The following MYH10 variants were observed in gnomAD, a reference collection of about 807,000 sequenced individuals.
The protein encoded by MYH10 is myosin heavy chain 10, also known as myosin-10.
A neutral mutation model predicts 257.8 loss-of-function variants in MYH10; 55 were observed. The observed-to-expected ratio is 0.21, with a 90% confidence interval of 0.17 to 0.27. MYH10 has a LOEUF of 0.27. MYH10 is among the 10% of genes least tolerant of loss of function. The pLI is 1.00. For synonymous variants in MYH10, 854 were observed against 921.7 expected, an observed-to-expected ratio of 0.93 and a Z score of 1.33; for missense variants, 1,631 against 2,500.6, an observed-to-expected ratio of 0.65 and a Z score of 7.42.
intron 4 of MYH10, among the ~76,000 whole-genome samples, chr17:8,578,235 C>G (rs925653406): frequency 1.4e-3 from 92 of 66,642 alleles, no homozygotes; most frequent in African/African-American, 4.4e-3. Flanking sequence ...TTGTTTCTTT[C>G]TTTCTTTCTT....
intron 2 of MYH10, among the ~76,000 whole-genome samples, chr17:8,608,173 G>A (rs2084884793): frequency 6.6e-6 from 1 of 152,168 alleles, no homozygotes; most frequent in Non-Finnish European, 1.5e-5. Context: ...TGGGTGATGA[G>A]GTATTGAAGG....
chr17:8,515,456 C>A (rs2081433323), intron 21 of MYH10, among the ~76,000 whole-genome samples: 1 of 150,668 alleles, frequency 6.6e-6, no homozygotes, highest in Non-Finnish European at 1.5e-5. Context: ...GAACCCACTG[C>A]TTCATAACTG....
intron 7 of MYH10, chr17:8,561,643 T>TAAA (rs35474546): frequency 1.9e-4 from 107 of 550,484 alleles, no homozygotes; most frequent in Middle Eastern, 5.0e-4. Context: ...AAATTGTACT[T>TAAA]AAAAAAAAAA....
At chr17:8,525,578 C>G (rs747654230) in intron 17 of MYH10, among the ~76,000 whole-genome samples, 24 of 152,226 alleles carry the variant, frequency 1.6e-4, no homozygotes, top group Non-Finnish European at 2.4e-4. Context: ...CACCATGTTA[C>G]TCTGGAAGGA....
At chr17:8,511,019 T>TATATATATATATATATATATAC (rs2081253399) in intron 24 of MYH10, 1 of 3,548 alleles carries the variant, frequency 2.8e-4, no homozygotes, top group Non-Finnish European at 4.0e-3. Flanking sequence ...GTACCCCATA[T>TATATATATATATATATATATAC]ATATATATAT....
intron 24 of MYH10, chr17:8,511,041 T>TATATAC (rs2081263972): frequency 1.2e-4 from 1 of 8,440 alleles, no homozygotes; most frequent in Admixed American, 1.9e-3. Context: ...TATATATATA[T>TATATAC]ATATATATAT....
chr17:8,513,401 G>A, intron 23 of MYH10, 137 bp downstream of exon 23: 1 of 1,317,038 alleles, frequency 7.6e-7, no homozygotes, highest in Non-Finnish European at 1.0e-6. Flanking sequence ...ATTTGGAAAT[G>A]AGTGAAAAGG....
At chr17:8,494,302 C>T (rs1026030818) in intron 31 of MYH10, among the ~76,000 whole-genome samples, 3 of 152,214 alleles carry the variant, frequency 2.0e-5, no homozygotes, top group East Asian at 1.9e-4. Context: ...CCTCAGTTAT[C>T]GTCCTTTGTA....
intron 31 of MYH10, among the ~76,000 whole-genome samples, chr17:8,494,910 G>T (rs558587570): frequency 6.6e-6 from 1 of 152,226 alleles, no homozygotes; most frequent in South Asian, 2.1e-4. Flanking sequence ...AGCTGTCTCC[G>T]AGGCCACCCA....
chr17:8,484,777 A>T (rs1022853619), intron 36 of MYH10, among the ~76,000 whole-genome samples: 1 of 152,238 alleles, frequency 6.6e-6, no homozygotes, highest in Middle Eastern at 3.2e-3. Flanking sequence ...AATGCTCAAC[A>T]AGCTATGAAC....
At chr17:8,594,521 T>C (rs1440847925) in intron 3 of MYH10, among the ~76,000 whole-genome samples, 2 of 152,180 alleles carry the variant, frequency 1.3e-5, no homozygotes, top group Non-Finnish European at 2.9e-5. Flanking sequence ...AATAGTTTGG[T>C]AATTTCTTAT....
chr17:8,532,070 C>G (rs1452102263), intron 16 of MYH10, among the ~76,000 whole-genome samples: 1 of 152,210 alleles, frequency 6.6e-6, no homozygotes, highest in African/African-American at 2.4e-5. Context: ...TGAGTGGCCT[C>G]TGAGATCTTC....
At chr17:8,478,547 G>T (rs373858578) in intron 40 of MYH10, 101 bp from the exon 41 acceptor site, 2 of 1,058,932 alleles carry the variant, frequency 1.9e-6, no homozygotes, top group Non-Finnish European at 2.9e-6. Context: ...ATGACACATG[G>T]TGGAGGCATT....
At chr17:8,534,912 C>A (rs553194439) in intron 16 of MYH10, among the ~76,000 whole-genome samples, 21 of 152,344 alleles carry the variant, frequency 1.4e-4, no homozygotes, top group Admixed American at 1.2e-3. Flanking sequence ...ACTATGAGGA[C>A]TGATGGAAAG....
intron 14 of MYH10, among the ~76,000 whole-genome samples, chr17:8,541,293 T>C (rs1298335607): frequency 1.3e-5 from 2 of 152,254 alleles, no homozygotes; most frequent in Non-Finnish European, 2.9e-5. Flanking sequence ...GAGAAAACTC[T>C]GCGTTATTCA....
intron 14 of MYH10, 77 bp from the exon 15 acceptor site, chr17:8,536,008 T>C (rs2082129554): frequency 1.5e-6 from 2 of 1,335,294 alleles, no homozygotes; most frequent in Non-Finnish European, 2.1e-6. Flanking sequence ...CTTAAACTTC[T>C]AAAACAATTA....
intron 1 of MYH10, among the ~76,000 whole-genome samples, chr17:8,629,442 G>T (rs1445016478): frequency 6.9e-6 from 1 of 145,754 alleles, no homozygotes; most frequent in African/African-American, 2.5e-5. Flanking sequence ...CAGAGGCCAC[G>T]TTATCCAAAC....
chr17:8,530,479 A>G (rs926767708), intron 17 of MYH10, 144 bp downstream of exon 17: 118 of 599,416 alleles, frequency 2.0e-4, no homozygotes, highest in African/African-American at 1.6e-3. Flanking sequence ...GCCTATGAGC[A>G]AAACAAAAAC....
chr17:8,490,246 G>C lies in MYH10; in HGVS notation c.4884+94C>G. On this transcript the variant is annotated intron_variant, in intron 35 of 42. Coordinates refer to ENST00000360416, the MANE Select transcript of MYH10 (RefSeq NM_001256012.3). This position sits in a 1 kb window ranked among gnomAD's most constrained non-coding sequence, Gnocchi z 4.1. ...CTATGTGTTACTCTGTGTTTACTCAGATGTGTTCTAACACGAATGAACAGG... is the reference window on the plus strand; with the variant it reads ...CTATGTGTTACTCTGTGTTTACTCACATGTGTTCTAACACGAATGAACAGG... 2 of 1,037,678 alleles carry C rather than the reference G, an allele frequency of 1.9e-6. No homozygotes were observed. Among genetic ancestry groups the C allele is most frequent in the Non-Finnish European group, 3.0e-6 (2 of 671,082 alleles). The allele number at this position is 1,037,678 out of a possible 1,614,324, so 64.3% of individuals were successfully genotyped here. A position where few individuals can be genotyped will look rare whatever the true frequency, so the allele number is the denominator to read the frequency against.
Sources: allele counts gnomAD v4.1 joint callset (sites outside exome capture counted in the v4.1 genomes callset), GRCh38; gene constraint gnomAD v4.1.1; non-coding constraint Gnocchi (gnomAD v3.1); transcripts MANE v1.5; gene names NCBI Gene and HGNC (gene_info 2026-07-23, HGNC 2026-07-21).